The following EXOSC9 variants were observed in gnomAD, a reference collection of about 807,000 sequenced individuals.
EXOSC9 encodes the protein exosome complex component RRP45.
Under a neutral mutation model 56.5 loss-of-function variants are expected in EXOSC9, and 38 were observed. The ratio of observed to expected loss-of-function variants is 0.67; its 90% confidence interval spans 0.52 to 0.88. EXOSC9 has a LOEUF of 0.88. EXOSC9 is among the 40% of genes least tolerant of loss of function. The probability of loss-of-function intolerance (pLI) is 0.00; values close to 1 mark genes in which losing one functional copy is unlikely to be tolerated. For synonymous variants in EXOSC9, 170 were observed against 170.8 expected, an observed-to-expected ratio of 0.99 and a Z score of 0.04; for missense variants, 559 against 530.5, an observed-to-expected ratio of 1.05 and a Z score of -0.53.
chr4:121,813,832 T>A (rs1322178057), intron 9 of EXOSC9, 34 bp from the exon 10 acceptor site: 1 of 1,465,422 alleles, frequency 6.8e-7, no homozygotes, highest in Admixed American at 1.8e-5. Context: ...CAAATAGCAA[T>A]ATTTTTGTTA....
At position 121,816,409 on chromosome 4, in the gene EXOSC9, G is replaced by T. The variant is rs1446670291; in HGVS notation, c.1197G>T (p.Met399Ile). The change falls in exon 11 of 12, where the codon ATG becomes ATT. Residue 399 changes from methionine (M) to isoleucine (I), a missense_variant. Physicochemically the swap from Met to Ile is conservative, Grantham distance 10. Transcript: ENST00000243498. ...IILSDSEEEEMIILEPDKNPK... is the reference protein window; with the variant it reads ...IILSDSEEEEIIILEPDKNPK... ...TCTCAGATAGTGAAGAAGAAGAAAT[G>T]ATCATTTTGGAACCAGACAAGAATC... 1 of 1,574,144 alleles carries T rather than the reference G, an allele frequency of 6.4e-7. No homozygotes were observed. Among genetic ancestry groups the T allele is most frequent in the Non-Finnish European group, 8.6e-7 (1 of 1,162,804 alleles).
chr4:121,802,570 G>A, intron 2 of EXOSC9, 104 bp from the exon 3 acceptor site: 4 of 1,045,742 alleles, frequency 3.8e-6, no homozygotes, highest in Non-Finnish European at 4.3e-6. Flanking sequence ...ATTTGGCTGA[G>A]TATGATATTA....
chr4:121,801,775 T>A, intron 1 of EXOSC9, 52 bp from the exon 2 acceptor site: 2 of 1,503,776 alleles, frequency 1.3e-6, no homozygotes, highest in Non-Finnish European at 1.9e-6. Flanking sequence ...AAGTAGTTGC[T>A]TAAGAAATAC....
At chr4:121,816,508 T>G in intron 11 of EXOSC9, 61 bp downstream of exon 11, 1 of 1,129,788 alleles carries the variant, frequency 8.9e-7, no homozygotes, top group Non-Finnish European at 1.3e-6. Context: ...AGAGGTTTGC[T>G]CTCTGGTTTT....
At chr4:121,811,728 TA>T (rs1727218738) in intron 8 of EXOSC9, 57 bp downstream of exon 8, 2 of 877,116 alleles carry the variant, frequency 2.3e-6, no homozygotes, top group South Asian at 2.0e-5. Flanking sequence ...AAATTTTTAT[TA>T]TTTTTTTTAG....
intron 5 of EXOSC9, among the ~76,000 whole-genome samples, chr4:121,805,487 T>C (rs900952159): frequency 6.6e-6 from 1 of 152,238 alleles, no homozygotes; most frequent in African/African-American, 2.4e-5. Context: ...ATGCCCAGAT[T>C]TTCTAAGCAA....
chr4:121,805,436 A>T (rs147160118), intron 5 of EXOSC9, among the ~76,000 whole-genome samples: 1 of 152,340 alleles, frequency 6.6e-6, no homozygotes, highest in African/African-American at 2.4e-5. Context: ...AGTGCACTGT[A>T]GTTGTAGTTT....
intron 6 of EXOSC9, 23 bp downstream of exon 6, chr4:121,807,645 C>T (rs377647191): frequency 6.1e-5 from 89 of 1,452,172 alleles, no homozygotes; most frequent in Admixed American, 1.0e-4. Flanking sequence ...TTATTATGGG[C>T]CAAAATTACA....
rs554709585 is a variant in EXOSC9, at chr4:121,811,538, T to C, written c.739-45T>C. 5.3e-6 allele frequency: 6 copies of C among 1,127,518 alleles called. No individual in the cohort carries two copies. The South Asian group carries it at 7.9e-5, about 15-fold the overall frequency. The allele number at this position is 1,127,518 out of a possible 1,614,324, so 69.8% of individuals were successfully genotyped here. On this transcript the variant is annotated intron_variant, in intron 7 of 11. Coordinates refer to ENST00000243498, the MANE Select transcript of EXOSC9 (RefSeq NM_005033.3). ...GTTTTAGTTTCATTAGAGAAAACTA[T>C]TTGGTTTATTGTCTTTAAACAACAG...
intron 8 of EXOSC9, among the ~76,000 whole-genome samples, chr4:121,812,014 A>T (rs182163569): frequency 5.9e-5 from 9 of 152,088 alleles, no homozygotes; most frequent in Admixed American, 5.9e-4. Flanking sequence ...TTATTGATGC[A>T]GTGACTTGTG....
Position 121,810,104 on chromosome 4 carries a change from G to A in EXOSC9, c.738+5G>A. ...ATAATGCTACTAAAAGATCAAGTTAGTGCTTTGATTAATGTCCCATTAATA... is the reference window on the plus strand; with the variant it reads ...ATAATGCTACTAAAAGATCAAGTTAATGCTTTGATTAATGTCCCATTAATA... On this transcript the variant is annotated splice_donor_5th_base_variant and intron_variant, in intron 7 of 11. Coordinates refer to ENST00000243498, the MANE Select transcript of EXOSC9 (RefSeq NM_005033.3). 6.2e-7 allele frequency: 1 copy of A among 1,611,862 alleles called. No homozygotes were observed. The highest frequency in any genetic ancestry group is 1.7e-5 in the Admixed American group (1 of 59,804).
At chr4:121,814,249 T>C (rs992439565) in intron 10 of EXOSC9, 12 of 337,908 alleles carry the variant, frequency 3.6e-5, no homozygotes, top group African/African-American at 1.1e-4. Context: ...TATGTAGTTA[T>C]ATATAGGGAT....
intron 1 of EXOSC9, 157 bp downstream of exon 1, chr4:121,801,647 T>C (rs1237634374): frequency 1.2e-6 from 1 of 809,246 alleles, no homozygotes; most frequent in Non-Finnish European, 2.1e-6. Flanking sequence ...TTCGACAGGT[T>C]CTTTTCAAGG....
chr4:121,815,591 G>A, intron 10 of EXOSC9: 1 of 985,394 alleles, frequency 1.0e-6, no homozygotes, highest in South Asian at 4.7e-5. Context: ...ACAATGGCCA[G>A]TAATATTTTT....
rs1192719758 is a variant in EXOSC9 at position 121,813,748 on chromosome 4, C to T, written c.975-118C>T. 10 of 709,208 alleles carry T rather than the reference C, an allele frequency of 1.4e-5. No individual in the cohort carries two copies. In the Admixed American group the frequency reaches 2.1e-4, roughly 15 times the overall value. 43.9% of individuals were successfully genotyped at this position (709,208 alleles called of 1,614,324 possible). A position where few individuals can be genotyped will look rare whatever the true frequency, so the allele number is the denominator to read the frequency against. The stretch of plus-strand genomic sequence containing the variant: ...AGTGTAGCTATATTAAGTTTTTTTT[C>T]CCCTAGGAACTTGGGGCACACTTGA... On this transcript the variant is annotated intron_variant, in intron 9 of 11. Coordinates refer to ENST00000243498, the MANE Select transcript of EXOSC9 (RefSeq NM_005033.3).
chr4:121,816,097 A>G, intron 10 of EXOSC9: 1 of 654,832 alleles, frequency 1.5e-6, no homozygotes. Flanking sequence ...CTGGGCCTAC[A>G]AGCACATGCC....
intron 5 of EXOSC9, among the ~76,000 whole-genome samples, chr4:121,806,760 CT>C (rs79792868): frequency 2.6e-4 from 39 of 148,108 alleles, no homozygotes; most frequent in South Asian, 8.5e-4. Context: ...AACATTACAA[CT>C]TTTTTTTTTT....
chr4:121,811,822 A>G (rs1727221241), intron 8 of EXOSC9, 151 bp downstream of exon 8: 1 of 478,912 alleles, frequency 2.1e-6, no homozygotes, highest in East Asian at 3.5e-5. Flanking sequence ...ACTCATTAAA[A>G]AGTGTAAATA....
intron 10 of EXOSC9, chr4:121,815,359 C>A: frequency 1.0e-6 from 1 of 979,220 alleles, no homozygotes; most frequent in Non-Finnish European, 1.2e-6. Context: ...GTGTATTCTT[C>A]TAACAGTGAA....
Sources: gnomAD v4.1 joint callset for allele counts (sites outside exome capture counted in the v4.1 genomes callset) on GRCh38, gnomAD v4.1.1 for gene constraint, MANE v1.5 for transcripts, NCBI Gene and HGNC (gene_info 2026-07-23, HGNC 2026-07-21) for gene names.